The following KCNIP3 variants were observed in gnomAD, a reference collection of about 807,000 sequenced individuals.
The protein encoded by KCNIP3 is calsenilin.
Under a neutral mutation model 35.0 loss-of-function variants are expected in KCNIP3, and 28 were observed. The observed-to-expected ratio is 0.80, with a 90% CI of 0.59 to 1.10. The LOEUF is 1.10. Among genes scored for constraint, KCNIP3 ranks in the 50% least tolerant of loss-of-function variants. The pLI is 0.00. For synonymous variants in KCNIP3, 134 were observed against 133.8 expected (o/e 1.00, Z -0.01); for missense variants, 295 against 338.4 (o/e 0.87, Z 1.01).
chr2:95,367,308 C>A (rs1679940551), intron 2 of KCNIP3, among the ~76,000 whole-genome samples: 1 of 151,870 alleles, frequency 6.6e-6, no homozygotes, highest in Admixed American at 6.6e-5. Context: ...ATAAAAAAAC[C>A]AATATCTTTA....
chr2:95,336,110 G>A (rs1165305245), intron 2 of KCNIP3, among the ~76,000 whole-genome samples: 1 of 152,220 alleles, frequency 6.6e-6, no homozygotes, highest in African/African-American at 2.4e-5. Context: ...GGTCACCCAT[G>A]TTGTCAGGTT....
At chr2:95,347,537 G>A (rs151171440) in intron 2 of KCNIP3, among the ~76,000 whole-genome samples, 182 of 152,318 alleles carry the variant, frequency 1.2e-3, no homozygotes, top group African/African-American at 4.2e-3. Context: ...CCCTGTGATG[G>A]GGCCTCCCCT....
chr2:95,307,073 T>C (rs959185218), intron 1 of KCNIP3, among the ~76,000 whole-genome samples: 1 of 151,984 alleles, frequency 6.6e-6, no homozygotes, highest in African/African-American at 2.4e-5. Flanking sequence ...CCTTCTCTTC[T>C]CAGAACCCAC....
chr2:95,365,564 G>T (rs1401592124), intron 2 of KCNIP3, among the ~76,000 whole-genome samples: 1 of 152,200 alleles, frequency 6.6e-6, no homozygotes, highest in Non-Finnish European at 1.5e-5. Context: ...GTTTGAGGGA[G>T]AACAGGAGGA....
chr2:95,314,524 C>A (rs1225740367), intron 2 of KCNIP3, among the ~76,000 whole-genome samples: 2 of 152,184 alleles, frequency 1.3e-5, no homozygotes, highest in East Asian at 3.9e-4. Context: ...TTGCTAGAAG[C>A]CCCCACTGAC....
At chr2:95,318,260 G>C (rs965061104) in intron 2 of KCNIP3, among the ~76,000 whole-genome samples, 2 of 152,170 alleles carry the variant, frequency 1.3e-5, no homozygotes, top group Non-Finnish European at 2.9e-5. Context: ...TGGGCTGGGA[G>C]AGAGTGGGGT....
At chr2:95,347,061 G>A (rs1247157968) in intron 2 of KCNIP3, 1 of 1,612,088 alleles carries the variant, frequency 6.2e-7, no homozygotes, top group Non-Finnish European at 8.5e-7. Flanking sequence ...TGGCCGTGGT[G>A]GTGCTGCTGT....
intron 2 of KCNIP3, among the ~76,000 whole-genome samples, chr2:95,330,292 G>C (rs1053791060): frequency 2.0e-5 from 3 of 152,210 alleles, no homozygotes; most frequent in African/African-American, 4.8e-5. Flanking sequence ...GCCAAGGGCT[G>C]GGGGTGGAGG....
chr2:95,352,036 G>A (rs1458665646), intron 2 of KCNIP3, among the ~76,000 whole-genome samples: 2 of 152,158 alleles, frequency 1.3e-5, no homozygotes, highest in Admixed American at 1.3e-4. Context: ...GCCGAGGTGG[G>A]CAGATCACTT....
Position 95,374,510 on chromosome 2 carries a change from G to A in KCNIP3, c.306+90G>A, listed in dbSNP as rs1467302284. 4 of 1,496,706 alleles carry A rather than the reference G, an allele frequency of 2.7e-6. No homozygotes were observed. The African/African-American group carries it at 4.2e-5, about 16-fold the overall frequency. The allele number at this position is 1,496,706 out of a possible 1,614,324, so 92.7% of individuals were successfully genotyped here. A position where few individuals can be genotyped will look rare whatever the true frequency, so the allele number is the denominator to read the frequency against. On this transcript the variant is annotated intron_variant, in intron 3 of 8. Transcript: ENST00000295225. ...TCTCCATGCCACAGTAAATATCCCA[G>A]GGGCCTTTAAGGGGCTTATGTGTTG...
chr2:95,310,116 T>G (rs1289079836), intron 1 of KCNIP3: 1 of 652,194 alleles, frequency 1.5e-6, no homozygotes, highest in African/African-American at 1.8e-5. Flanking sequence ...TCTGCACCCC[T>G]GTCTGCCCCT....
chr2:95,374,347 G>T lies in KCNIP3; in HGVS notation c.233G>T (p.Gly78Val). 1 of 1,614,166 alleles carries T rather than the reference G, an allele frequency of 6.2e-7. No homozygotes were observed. Among genetic ancestry groups the T allele is most frequent in the Non-Finnish European group, 8.5e-7 (1 of 1,179,994 alleles). Residue 78 changes from glycine (G) to valine (V), a missense_variant, in exon 3 of 9, where the codon GGG becomes GTG. Gly to Val is a moderately radical substitution (Grantham distance 109). Transcript: ENST00000295225. Reference sequence around the variant, plus strand: ...TCCACGGTGCGCCACCAGCCAGAGGGGCTGGACCAGCTGCAGGCCCAGACC... The same window carrying T: ...TCCACGGTGCGCCACCAGCCAGAGGTGCTGGACCAGCTGCAGGCCCAGACC... ...ELSTVRHQPE[G>V]LDQLQAQTKF...
At chr2:95,330,597 C>G (rs1336179114) in intron 2 of KCNIP3, among the ~76,000 whole-genome samples, 1 of 152,232 alleles carries the variant, frequency 6.6e-6, no homozygotes, top group Non-Finnish European at 1.5e-5. Context: ...CAGACAAACA[C>G]CACAAGGGGC....
intron 2 of KCNIP3, among the ~76,000 whole-genome samples, chr2:95,338,064 A>C (rs1679105726): frequency 6.6e-6 from 1 of 152,156 alleles, no homozygotes; most frequent in African/African-American, 2.4e-5. Context: ...GCCCACGAGG[A>C]GCAGGCAGAC....
At chr2:95,330,541 C>T (rs982284772) in intron 2 of KCNIP3, among the ~76,000 whole-genome samples, 7 of 152,196 alleles carry the variant, frequency 4.6e-5, no homozygotes, top group Non-Finnish European at 1.0e-4. Context: ...GAGACTCACC[C>T]GTCCGTACCC....
intron 5 of KCNIP3, among the ~76,000 whole-genome samples, chr2:95,380,239 C>T (rs1680303986): frequency 6.6e-6 from 1 of 152,126 alleles, no homozygotes; most frequent in Non-Finnish European, 1.5e-5. Context: ...TTTTTTGGGA[C>T]ATCCTATTCT....
intron 2 of KCNIP3, among the ~76,000 whole-genome samples, chr2:95,329,589 G>T (rs1051032281): frequency 2.0e-5 from 3 of 152,222 alleles, no homozygotes; most frequent in Non-Finnish European, 4.4e-5. Flanking sequence ...CACCTGCACC[G>T]CTGGGGCTCC....
chr2:95,368,752 G>T, intron 2 of KCNIP3: 1 of 244,416 alleles, frequency 4.1e-6, no homozygotes, highest in South Asian at 8.0e-5. Flanking sequence ...CTTCCTGACT[G>T]ATAATCACTG....
At chr2:95,326,119 A>T (rs1375178827) in intron 2 of KCNIP3, among the ~76,000 whole-genome samples, 3 of 152,048 alleles carry the variant, frequency 2.0e-5, no homozygotes, top group Non-Finnish European at 4.4e-5. Context: ...ATACACATAC[A>T]CGCACACTTA....
Sources: allele counts gnomAD v4.1 joint callset (sites outside exome capture counted in the v4.1 genomes callset), GRCh38; gene constraint gnomAD v4.1.1; transcripts MANE v1.5; gene names NCBI Gene and HGNC (gene_info 2026-07-23, HGNC 2026-07-21).